The following NYAP2 variants were observed in gnomAD, a reference collection of about 807,000 sequenced individuals.
The protein encoded by NYAP2 is neuronal tyrosine-phosphorylated phosphoinositide-3-kinase adaptor 2.
In NYAP2, 23 loss-of-function variants were observed where a neutral mutation model predicts 50.4. That is an observed-to-expected ratio of 0.46 (90% CI 0.33 to 0.65). NYAP2 has a LOEUF of 0.65. Ranked by LOEUF, NYAP2 falls within the 30% of genes least tolerant of loss-of-function variation. NYAP2 has a pLI of 0.02. For synonymous variants in NYAP2, 394 were observed against 365.2 expected (o/e 1.08, Z -0.90); for missense variants, 885 against 861.0 (o/e 1.03, Z -0.35).
chr2:225,413,380 C>T (rs1017336646), intron 3 of NYAP2, among the ~76,000 whole-genome samples: 2 of 152,102 alleles, frequency 1.3e-5, no homozygotes, highest in East Asian at 1.9e-4. Flanking sequence ...GATAGACTGG[C>T]GTCTGTCCTG....
chr2:225,602,353 G>T (rs1044141446), intron 5 of NYAP2, among the ~76,000 whole-genome samples: 8 of 152,134 alleles, frequency 5.3e-5, no homozygotes, highest in Non-Finnish European at 1.0e-4. Flanking sequence ...GAAGGGGAGA[G>T]AAATATGTCC....
chr2:225,426,764 T>C (rs1320639328), intron 3 of NYAP2, among the ~76,000 whole-genome samples: 1 of 152,186 alleles, frequency 6.6e-6, no homozygotes, highest in Non-Finnish European at 1.5e-5. Context: ...TGCCTGACTA[T>C]GAGTGATTTT....
intron 3 of NYAP2, among the ~76,000 whole-genome samples, chr2:225,445,742 G>T (rs1364004387): frequency 6.6e-6 from 1 of 152,034 alleles, no homozygotes; most frequent in Non-Finnish European, 1.5e-5. Flanking sequence ...GCTAAATTAA[G>T]AATGAATTAG....
chr2:225,423,626 T>C (rs1695246519), intron 3 of NYAP2, among the ~76,000 whole-genome samples: 1 of 152,304 alleles, frequency 6.6e-6, no homozygotes, highest in South Asian at 2.1e-4. Flanking sequence ...TAGACAAGTG[T>C]ATGCATGTTT....
At chr2:225,477,546 A>G (rs2106163113) in intron 3 of NYAP2, among the ~76,000 whole-genome samples, 1 of 152,000 alleles carries the variant, frequency 6.6e-6, no homozygotes, top group East Asian at 1.9e-4. Flanking sequence ...GAGAGTCTCT[A>G]TTTCTAACAA....
chr2:225,484,006 A>T (rs761761090), intron 3 of NYAP2, among the ~76,000 whole-genome samples: 17 of 152,186 alleles, frequency 1.1e-4, no homozygotes, highest in Non-Finnish European at 2.2e-4. Flanking sequence ...TTTACAGGAA[A>T]AACTTGAGGA....
At chr2:225,442,488 T>A (rs927031403) in intron 3 of NYAP2, among the ~76,000 whole-genome samples, 3 of 152,204 alleles carry the variant, frequency 2.0e-5, no homozygotes, top group African/African-American at 7.2e-5. Flanking sequence ...TTTCTCACTT[T>A]GTGTTAGTCC....
At chr2:225,446,113 G>A (rs1036788317) in intron 3 of NYAP2, among the ~76,000 whole-genome samples, 4 of 151,398 alleles carry the variant, frequency 2.6e-5, no homozygotes, top group East Asian at 3.9e-4. Context: ...CCCGGGAGGC[G>A]GAGGTTGCAG....
intron 4 of NYAP2, among the ~76,000 whole-genome samples, chr2:225,578,906 C>T (rs1689746927): frequency 6.6e-6 from 1 of 152,090 alleles, no homozygotes; most frequent in African/African-American, 2.4e-5. Flanking sequence ...AATTTTCTCA[C>T]AATTCTTGGG....
chr2:225,648,994 T>C (rs1427880723), intron 6 of NYAP2, among the ~76,000 whole-genome samples: 1 of 152,124 alleles, frequency 6.6e-6, no homozygotes, highest in Admixed American at 6.5e-5. Context: ...ATATCACAGG[T>C]GGAAAGAGAG....
At chr2:225,553,945 G>A (rs544900197) in intron 4 of NYAP2, among the ~76,000 whole-genome samples, 3 of 152,218 alleles carry the variant, frequency 2.0e-5, no homozygotes, top group East Asian at 3.9e-4. Context: ...GCTTGAACTC[G>A]GGAAGCAGAG....
At chr2:225,458,399 T>G (rs758329629) in intron 3 of NYAP2, among the ~76,000 whole-genome samples, 15 of 152,220 alleles carry the variant, frequency 9.9e-5, no homozygotes, top group Non-Finnish European at 1.9e-4. Flanking sequence ...TCAGAATCTA[T>G]AGATAAAATT....
intron 4 of NYAP2, among the ~76,000 whole-genome samples, chr2:225,523,561 C>T (rs1355594067): frequency 6.6e-6 from 1 of 151,810 alleles, no homozygotes; most frequent in Non-Finnish European, 1.5e-5. Flanking sequence ...TGAAAGAAAT[C>T]ATAGATGACA....
chr2:225,520,975 A>T (rs1376723220), intron 4 of NYAP2, among the ~76,000 whole-genome samples: 4 of 149,920 alleles, frequency 2.7e-5, no homozygotes, highest in South Asian at 2.1e-4. Context: ...GTTCTCCTTG[A>T]AGAGGTCCTT....
At chr2:225,562,346 G>T (rs1691890072) in intron 4 of NYAP2, among the ~76,000 whole-genome samples, 1 of 152,072 alleles carries the variant, frequency 6.6e-6, no homozygotes, top group Non-Finnish European at 1.5e-5. Flanking sequence ...ATTGTTCTAA[G>T]GGCACTTACT....
intron 5 of NYAP2, among the ~76,000 whole-genome samples, chr2:225,600,867 C>T (rs562439634): frequency 1.5e-4 from 23 of 152,276 alleles, no homozygotes; most frequent in Admixed American, 3.9e-4. Flanking sequence ...AATTTTCACC[C>T]GTGCATATTG....
chr2:225,568,895 T>C (rs916739844), intron 4 of NYAP2, among the ~76,000 whole-genome samples: 1 of 152,124 alleles, frequency 6.6e-6, no homozygotes, highest in Non-Finnish European at 1.5e-5. Context: ...CCCCTTATAC[T>C]CTGAAGGTTT....
In NYAP2 at chr2:225,582,121, C is replaced by T. The variant is rs774734033; in HGVS notation, c.704C>T (p.Ala235Val). The stretch of plus-strand genomic sequence containing the variant: ...TCCTTGTCCCAGATGGGCAGCCCCG[C>T]GGGAGACCCCGAGGAAGAGGAGCCC... Residue 235 changes from alanine to valine, a missense_variant, in exon 5 of 7, where the codon GCG (alanine) becomes GTG (valine). Coordinates refer to ENST00000636099, the Ensembl canonical transcript of NYAP2. This position sits in a 1 kb window ranked among gnomAD's most constrained non-coding sequence, Gnocchi z 7.0. 1.9e-6 allele frequency: 3 copies of T among 1,613,776 alleles called. No individual in the cohort carries two copies. The highest frequency in any genetic ancestry group is 1.1e-5 in the South Asian group (1 of 91,088).
the NYAP2 span, among the ~76,000 whole-genome samples, chr2:225,694,477 T>C: frequency 2.2e-4 from 33 of 152,030 alleles, no homozygotes; most frequent in Middle Eastern, 3.4e-3. Flanking sequence ...CAACAAAAAA[T>C]AATATTTAGA....
Sources: allele counts gnomAD v4.1 joint callset (sites outside exome capture counted in the v4.1 genomes callset), GRCh38; gene constraint gnomAD v4.1.1; non-coding constraint Gnocchi (gnomAD v3.1); transcripts MANE v1.5; gene names NCBI Gene and HGNC (gene_info 2026-07-23, HGNC 2026-07-21).